Variants in GNB5 observed in about 807,000 individuals in gnomAD.
The protein encoded by GNB5 is G protein subunit beta 5, also known as guanine nucleotide-binding protein subunit beta-5.
GNB5 carries 37 observed loss-of-function variants against 55.3 expected under a neutral mutation model. The ratio of observed to expected loss-of-function variants is 0.67; its 90% CI spans 0.51 to 0.88. The LOEUF is 0.88. Ranked by LOEUF, GNB5 falls within the 40% of genes least tolerant of loss-of-function variation. GNB5 has a pLI of 0.00. For synonymous variants in GNB5, 219 were observed against 198.5 expected (o/e 1.10, Z -0.87); for missense variants, 476 against 515.3 (o/e 0.92, Z 0.74).
At chr15:52,149,684 A>G (rs1268243202) in intron 5 of GNB5, 200 bp downstream of exon 5, 2 of 652,550 alleles carry the variant, frequency 3.1e-6, no homozygotes, top group Non-Finnish European at 5.6e-6. Flanking sequence ...TCTTGGGGCG[A>G]GAGGGGAATA....
At chr15:52,149,584 A>G (rs1301165772) in intron 5 of GNB5, 4 of 592,294 alleles carry the variant, frequency 6.8e-6, no homozygotes, top group Non-Finnish European at 1.2e-5. Flanking sequence ...GACAAATAGT[A>G]CATGCAGTTG....
At chr15:52,159,150 TGCAGAG>T (rs2034278450) in intron 3 of GNB5, among the ~76,000 whole-genome samples, 1 of 152,122 alleles carries the variant, frequency 6.6e-6, no homozygotes, top group Non-Finnish European at 1.5e-5. Flanking sequence ...ACAACCTGAT[TGCAGAG>T]TAAGGGGTAG....
intron 3 of GNB5, among the ~76,000 whole-genome samples, 170 bp from the exon 4 acceptor site, chr15:52,154,246 CCTT>C (rs1307370776): frequency 2.0e-5 from 3 of 152,222 alleles, no homozygotes; most frequent in African/African-American, 4.8e-5. Context: ...TAGCAGCACT[CCTT>C]CTTTTAAGAT....
intron 3 of GNB5, among the ~76,000 whole-genome samples, chr15:52,169,956 A>G (rs2034527332): frequency 6.6e-6 from 1 of 152,242 alleles, no homozygotes; most frequent in African/African-American, 2.4e-5. Context: ...ACAAACATGA[A>G]AAAAAGCTCA....
chr15:52,184,758 T>A (rs977625151), intron 1 of GNB5, 64 bp from the exon 2 acceptor site: 6 of 1,389,912 alleles, frequency 4.3e-6, no homozygotes, highest in African/African-American at 4.3e-5. Context: ...CTTTCTAAAA[T>A]CTCTTCTTGC....
intron 3 of GNB5, among the ~76,000 whole-genome samples, chr15:52,161,471 T>A (rs934093556): frequency 6.6e-6 from 1 of 152,180 alleles, no homozygotes; most frequent in Non-Finnish European, 1.5e-5. Context: ...CTAATTTTCG[T>A]ATTTTTTTTA....
Position 52,126,061 on chromosome 15 carries a change from T to C in GNB5, c.913-17A>G, listed in dbSNP as rs1306292236. The C allele has an allele frequency of 4.7e-6, 6 of 1,279,098 alleles. No homozygotes were observed. The highest frequency in any genetic ancestry group is 6.8e-6 in the Non-Finnish European group (6 of 884,044). 79.2% of individuals were successfully genotyped at this position (1,279,098 alleles called of 1,614,324 possible). A position where few individuals can be genotyped will look rare whatever the true frequency, so the allele number is the denominator to read the frequency against. ...GAGGCGACACTGGGGAGCAAATAAATAAAGAAGCACTTACTTCTGGCTTCA... is the reference window on the plus strand; with the variant it reads ...GAGGCGACACTGGGGAGCAAATAAACAAAGAAGCACTTACTTCTGGCTTCA... On this transcript the variant is annotated splice_polypyrimidine_tract_variant and intron_variant, in intron 10 of 12. Coordinates refer to ENST00000261837, the MANE Select transcript of GNB5 (RefSeq NM_016194.4).
chr15:52,179,838 C>A lies in GNB5; in HGVS notation c.168G>T (p.Ser56=). 6.4e-7 allele frequency: 1 copy of A among 1,553,756 alleles called. No individual in the cohort carries two copies. Among genetic ancestry groups the A allele is most frequent in the Non-Finnish European group, 8.7e-7 (1 of 1,151,268 alleles). The change falls in exon 3 of 13, where the codon TCG becomes TCT. Residue 56 remains serine (S), a synonymous_variant. Transcript: ENST00000261837. ...EGLHENETLA[S]LKSEAESLKG... Reference sequence around the variant, plus strand: ...TGAGGCTCTCGGCCTCGCTCTTCAGCGACGCCAGCGTCTCGTTCTCGTGCA... The same window carrying A: ...TGAGGCTCTCGGCCTCGCTCTTCAGAGACGCCAGCGTCTCGTTCTCGTGCA...
intron 6 of GNB5, among the ~76,000 whole-genome samples, chr15:52,145,506 G>A (rs576627315): frequency 5.3e-5 from 8 of 151,918 alleles, no homozygotes; most frequent in East Asian, 3.9e-4. Flanking sequence ...TTAGCCAGAC[G>A]TGGTGGTGCA....
At chr15:52,189,690 T>C (rs1018295320) in intron 1 of GNB5, among the ~76,000 whole-genome samples, 1 of 152,090 alleles carries the variant, frequency 6.6e-6, no homozygotes, top group Non-Finnish European at 1.5e-5. Context: ...AACCGACAAA[T>C]GAAAAACAAA....
chr15:52,174,013 G>A (rs1421438661), intron 3 of GNB5, among the ~76,000 whole-genome samples: 1 of 152,150 alleles, frequency 6.6e-6, no homozygotes, highest in Non-Finnish European at 1.5e-5. Context: ...TCTTGAGATG[G>A]GGAGATTATC....
rs151054366 is a variant in GNB5 at position 52,172,487 on chromosome 15, A to C, written c.238+7281T>G. On this transcript the variant is annotated intron_variant, in intron 3 of 12. Transcript: ENST00000261837. ...TACTCATTTTTCCCTTATTATAAAAAGCAGTAAATGTGCTGGGTGCGGTGG... is the reference window on the plus strand; with the variant it reads ...TACTCATTTTTCCCTTATTATAAAACGCAGTAAATGTGCTGGGTGCGGTGG... Among the ~76,000 whole-genome samples the C allele has an allele frequency of 5.7e-3, 860 of 152,116 alleles. 8 individuals carry two copies. Among genetic ancestry groups the C allele is most frequent in the African/African-American group, 0.02 (822 of 41,496 alleles).
chr15:52,187,617 T>C (rs796932078), intron 1 of GNB5, among the ~76,000 whole-genome samples: 49 of 152,292 alleles, frequency 3.2e-4, no homozygotes, highest in African/African-American at 1.1e-3. Flanking sequence ...TTGAATTTTT[T>C]CAAATTATAA....
rs2034869506 is a variant in GNB5, at chr15:52,187,972, A to AT, written c.-18-3279_-18-3278insA. ...TCAAAGAAAATTAAAAATTAAAAAT[A>AT]AATAAATAAATAAGTGGAAACAGAA... is the stretch of plus-strand genomic sequence containing the variant. On this transcript the variant is annotated intron_variant, in intron 1 of 12. Transcript: ENST00000261837. Among the ~76,000 whole-genome samples, 4 of 149,800 alleles carry AT rather than the reference A, an allele frequency of 2.7e-5. No individual in the cohort carries two copies. In the South Asian group the frequency reaches 8.4e-4, roughly 31 times the overall value.
In GNB5 at chr15:52,157,420, T is replaced by C. The variant is rs568107308; in HGVS notation, c.239-3344A>G. On this transcript the variant is annotated intron_variant, in intron 3 of 12. Coordinates refer to ENST00000261837, the MANE Select transcript of GNB5 (RefSeq NM_016194.4). ...TACAACCATGCCCAGCTAATTTTTG[T>C]ATTTTTAGTAAAGACAGGTTTCACC... Among the ~76,000 whole-genome samples the C allele has an allele frequency of 2.0e-5, 3 of 152,064 alleles. No individual in the cohort carries two copies. The South Asian group carries it at 6.2e-4, about 32-fold the overall frequency.
At chr15:52,189,505 G>A in intron 1 of GNB5, among the ~76,000 whole-genome samples, 1 of 152,132 alleles carries the variant, frequency 6.6e-6, no homozygotes, top group East Asian at 1.9e-4. Context: ...GCTTGAACTT[G>A]GGGGATGGAG....
rs551548791 is a variant in GNB5, at chr15:52,147,286, C to A, written c.494+173G>T. On this transcript the variant is annotated intron_variant, in intron 6 of 12. Transcript: ENST00000261837. ...CCAGGTGGCTGGGATTACAAGCAGG[C>A]ACCACTGTGCTGGCTTATGGTTTCT... 44 of 531,354 alleles carry A rather than the reference C, an allele frequency of 8.3e-5. No individual in the cohort carries two copies. In the East Asian group the frequency reaches 1.5e-3, roughly 19 times the overall value. The allele number at this position is 531,354 out of a possible 1,614,324, so 32.9% of individuals were successfully genotyped here. A position where few individuals can be genotyped will look rare whatever the true frequency, so the allele number is the denominator to read the frequency against.
intron 6 of GNB5, among the ~76,000 whole-genome samples, chr15:52,146,836 G>A (rs1220910295): frequency 2.1e-5 from 3 of 145,606 alleles, no homozygotes; most frequent in Non-Finnish European, 3.0e-5. Context: ...TCCTGCCTCT[G>A]CCTCCCAAAG....
intron 3 of GNB5, among the ~76,000 whole-genome samples, chr15:52,166,303 G>C (rs1416602935): frequency 6.6e-6 from 1 of 152,230 alleles, no homozygotes; most frequent in East Asian, 1.9e-4. Context: ...AATTAACAAG[G>C]ATATTCAGAA....
Sources: gnomAD v4.1 joint callset for allele counts (sites outside exome capture counted in the v4.1 genomes callset) on GRCh38, gnomAD v4.1.1 for gene constraint, MANE v1.5 for transcripts, NCBI Gene and HGNC (gene_info 2026-07-23, HGNC 2026-07-21) for gene names.